LHFPL3: variants seen among roughly 807,000 people sequenced by gnomAD.
LHFPL3 encodes the protein LHFPL tetraspan subfamily member 3.
A neutral mutation model predicts 19.3 loss-of-function variants in LHFPL3; 5 were observed. The ratio of observed to expected loss-of-function variants is 0.26; its 90% confidence interval spans 0.14 to 0.54. The LOEUF (loss-of-function observed/expected upper bound fraction) is 0.54. LHFPL3 is among the 20% of genes least tolerant of loss of function. The pLI is 0.94. For synonymous variants in LHFPL3, 133 were observed against 126.2 expected (o/e 1.05, Z -0.36); for missense variants, 249 against 307.4 (o/e 0.81, Z 1.42).
At chr7:104,566,194 C>CA (rs1175472620) in intron 1 of LHFPL3, among the ~76,000 whole-genome samples, 1 of 151,798 alleles carries the variant, frequency 6.6e-6, no homozygotes, top group East Asian at 1.9e-4. Context: ...AAAATAAAAC[C>CA]AAAAAAATTT....
At chr7:104,537,311 C>G (rs1032427911) in intron 1 of LHFPL3, among the ~76,000 whole-genome samples, 1 of 152,202 alleles carries the variant, frequency 6.6e-6, no homozygotes, top group African/African-American at 2.4e-5. Flanking sequence ...ATTTCCTCCC[C>G]CTTCTGACAC....
chr7:104,637,710 G>A (rs180711392), intron 1 of LHFPL3, among the ~76,000 whole-genome samples: 152 of 151,928 alleles, frequency 1.0e-3, no homozygotes, highest in Admixed American at 3.8e-3. Context: ...GCCTTATGTC[G>A]GGGCTCTCTA....
chr7:104,372,544 A>G (rs1790635568), intron 1 of LHFPL3, among the ~76,000 whole-genome samples: 2 of 152,186 alleles, frequency 1.3e-5, no homozygotes, highest in South Asian at 4.1e-4. Context: ...GCTGTGGAGG[A>G]GAAGCTCTGA....
intron 1 of LHFPL3, among the ~76,000 whole-genome samples, chr7:104,387,401 G>A (rs1218609059): frequency 6.6e-6 from 1 of 151,848 alleles, no homozygotes; most frequent in African/African-American, 2.4e-5. Flanking sequence ...AAAAAGAAAA[G>A]TACAATAACT....
At chr7:104,382,783 G>A (rs1027302904) in intron 1 of LHFPL3, among the ~76,000 whole-genome samples, 15 of 152,182 alleles carry the variant, frequency 9.9e-5, no homozygotes, top group African/African-American at 3.6e-4. Flanking sequence ...CAAAGTACAT[G>A]GCTGGGCTTT....
chr7:104,402,205 C>T (rs967841391), intron 1 of LHFPL3, among the ~76,000 whole-genome samples: 4 of 152,070 alleles, frequency 2.6e-5, no homozygotes, highest in Admixed American at 1.3e-4. Context: ...AAACACTGGG[C>T]TTTCCAAACA....
rs372133666 is a variant in LHFPL3, at chr7:104,873,639, GA to G, written c.683-32539del. ...AAAGATTCTGTCTCTAAAAAGGAAA[GA>G]AAAAAAAACTGAAACTGGTATGTTA... On this transcript the variant is annotated intron_variant, in intron 2 of 2. Coordinates refer to ENST00000424859, the MANE Select transcript of LHFPL3 (RefSeq NM_199000.3). Among the ~76,000 whole-genome samples, 9 of 150,124 alleles carry G rather than the reference GA, an allele frequency of 6.0e-5. No individual in the cohort carries two copies. The East Asian group carries it at 7.8e-4, about 13-fold the overall frequency.
At chr7:104,760,866 T>C (rs574171949) in intron 2 of LHFPL3, among the ~76,000 whole-genome samples, 24 of 151,850 alleles carry the variant, frequency 1.6e-4, no homozygotes, top group Admixed American at 1.3e-4. Context: ...TTTCCATTCC[T>C]CTTATTTATT....
intron 1 of LHFPL3, among the ~76,000 whole-genome samples, chr7:104,408,353 G>A (rs544173583): frequency 1.0e-3 from 90 of 90,082 alleles, no homozygotes; most frequent in African/African-American, 5.7e-3. Context: ...TGTTTCTTGT[G>A]GCAACATTTT....
At chr7:104,616,266 C>T (rs1394520318) in intron 1 of LHFPL3, among the ~76,000 whole-genome samples, 1 of 152,176 alleles carries the variant, frequency 6.6e-6, no homozygotes, top group African/African-American at 2.4e-5. Flanking sequence ...ATCAAAACAG[C>T]TTGCTACTAG....
intron 2 of LHFPL3, among the ~76,000 whole-genome samples, chr7:104,809,174 G>A (rs773250702): frequency 3.0e-4 from 46 of 152,162 alleles, no homozygotes; most frequent in Non-Finnish European, 5.9e-5. Flanking sequence ...GATTACAGGC[G>A]TGAGCCCGCG....
chr7:104,329,987 CAG>C (rs1292006313), intron 1 of LHFPL3, among the ~76,000 whole-genome samples: 2 of 152,052 alleles, frequency 1.3e-5, no homozygotes, highest in Admixed American at 1.3e-4. Flanking sequence ...GGGAAGTAGG[CAG>C]AGAGGAGAAT....
intron 2 of LHFPL3, among the ~76,000 whole-genome samples, chr7:104,824,616 ATATTATTTTATATATAT>A (rs1790777340): frequency 2.7e-5 from 2 of 73,092 alleles, no homozygotes; most frequent in Non-Finnish European, 4.7e-5. Flanking sequence ...ATAATTATAT[ATATTATTTTATATATAT>A]TATTTTATAT....
At chr7:104,880,863 C>G (rs1792036891) in intron 2 of LHFPL3, among the ~76,000 whole-genome samples, 3 of 152,136 alleles carry the variant, frequency 2.0e-5, no homozygotes, top group Admixed American at 1.3e-4. Flanking sequence ...ACTTTCAAGT[C>G]TTATTATTTA....
intron 1 of LHFPL3, among the ~76,000 whole-genome samples, chr7:104,448,155 A>G (rs534555058): frequency 3.3e-5 from 5 of 152,316 alleles, no homozygotes; most frequent in East Asian, 1.9e-4. Flanking sequence ...TATCATTAAT[A>G]TCAATAGTTA....
intron 1 of LHFPL3, among the ~76,000 whole-genome samples, chr7:104,510,858 A>C (rs1793797734): frequency 6.6e-6 from 1 of 152,192 alleles, no homozygotes; most frequent in South Asian, 2.1e-4. Context: ...ATGAGAATAC[A>C]TGGACACATA....
chr7:104,719,480 A>G (rs1235423604), intron 1 of LHFPL3, among the ~76,000 whole-genome samples: 2 of 152,194 alleles, frequency 1.3e-5, no homozygotes, highest in African/African-American at 4.8e-5. Context: ...ACATGAATTT[A>G]TGCAATAAAA....
chr7:104,344,470 C>T (rs1024569859), intron 1 of LHFPL3, among the ~76,000 whole-genome samples: 2 of 152,114 alleles, frequency 1.3e-5, no homozygotes, highest in Admixed American at 6.6e-5. Flanking sequence ...TTTGCCTTTG[C>T]GTACCTATAC....
At chr7:104,676,289 A>G (rs1792590554) in intron 1 of LHFPL3, among the ~76,000 whole-genome samples, 3 of 152,238 alleles carry the variant, frequency 2.0e-5, no homozygotes, top group Admixed American at 2.0e-4. Flanking sequence ...TATCCCTGGC[A>G]TAGAAATAAC....
Sources: gnomAD v4.1 joint callset for allele counts (sites outside exome capture counted in the v4.1 genomes callset) on GRCh38, gnomAD v4.1.1 for gene constraint, MANE v1.5 for transcripts, NCBI Gene and HGNC (gene_info 2026-07-23, HGNC 2026-07-21) for gene names.